CYP20A1: variants seen among roughly 807,000 people sequenced by gnomAD.
CYP20A1 encodes cytochrome P450 family 20 subfamily A member 1, also known as cytochrome P450 20A1.
CYP20A1 carries 61 observed loss-of-function variants against 61.4 expected under a neutral mutation model. The observed-to-expected ratio is 0.99, with a 90% CI of 0.81 to 1.23. The LOEUF (loss-of-function observed/expected upper bound fraction) is 1.23. CYP20A1 is among the 50% of genes most tolerant of loss of function. The pLI is 0.00. For synonymous variants in CYP20A1, 193 were observed against 188.2 expected (o/e 1.03, Z -0.21); for missense variants, 530 against 542.4 (o/e 0.98, Z 0.23).
chr2:203,256,163 CTCA>C (rs10553467), intron 4 of CYP20A1, among the ~76,000 whole-genome samples: 61,361 of 109,434 alleles, frequency 0.56, 12,864 homozygotes, highest in East Asian at 0.69. Flanking sequence ...AGACGTGTGT[CTCA>C]TTATGTTTCC....
intron 4 of CYP20A1, among the ~76,000 whole-genome samples, chr2:203,252,818 G>C (rs2066742768): frequency 6.6e-6 from 1 of 152,106 alleles, no homozygotes. Flanking sequence ...CACGCTAAGA[G>C]ATCTGTGACT....
intron 5 of CYP20A1, 109 bp downstream of exon 5, chr2:203,266,790 G>A: frequency 2.3e-6 from 2 of 870,624 alleles, no homozygotes; most frequent in Non-Finnish European, 3.7e-6. Context: ...AGACCAGCCT[G>A]CCCCACATGG....
rs567500478 is a variant in CYP20A1, at chr2:203,299,874, CA to C, written c.*2976del. On this transcript the variant is annotated 3_prime_UTR_variant, in exon 13 of 13. Transcript: ENST00000356079. ...GGGCAACAAGAGTGAAACTCCGTCT[CA>C]AAAAAAAAAGAAAAATTCTAAAACT... 2.7e-5 allele frequency among the ~76,000 whole-genome samples: 4 copies of C among 145,540 alleles called. No homozygotes were observed. The highest frequency in any genetic ancestry group is 2.5e-5 in the African/African-American group (1 of 39,566).
At chr2:203,248,182 G>A (rs534463085) in intron 3 of CYP20A1, among the ~76,000 whole-genome samples, 13 of 152,040 alleles carry the variant, frequency 8.6e-5, no homozygotes, top group South Asian at 8.3e-4. Flanking sequence ...CCAAGGTTGC[G>A]CCACTCTACT....
At position 203,301,747 on chromosome 2, in the gene CYP20A1, C is replaced by A. The variant is rs186996250; in HGVS notation, c.*4839C>A. Reference sequence around the variant, plus strand: ...TAAATAGATTCTACCTAACTTATAACCCCTATGTCAAAATTTGTTTATCTT... The same window carrying A: ...TAAATAGATTCTACCTAACTTATAAACCCTATGTCAAAATTTGTTTATCTT... On this transcript the variant is annotated 3_prime_UTR_variant, in exon 13 of 13. Coordinates refer to ENST00000356079, the MANE Select transcript of CYP20A1 (RefSeq NM_177538.3). 6.6e-6 allele frequency among the ~76,000 whole-genome samples: 1 copy of A among 152,086 alleles called. No individual in the cohort carries two copies. Among genetic ancestry groups the A allele is most frequent in the South Asian group, 2.1e-4 (1 of 4,820 alleles).
intron 4 of CYP20A1, among the ~76,000 whole-genome samples, chr2:203,260,868 A>T (rs530367574): frequency 6.6e-6 from 1 of 152,216 alleles, no homozygotes; most frequent in South Asian, 2.1e-4. Flanking sequence ...TTCCAACTTT[A>T]AGATTTTTAG....
At chr2:203,258,003 G>GTGCAGTGGCACAATTATA in intron 4 of CYP20A1, among the ~76,000 whole-genome samples, 97 of 151,378 alleles carry the variant, frequency 6.4e-4, no homozygotes, top group Middle Eastern at 6.9e-3. Flanking sequence ...CTGGGCTGAA[G>GTGCAGTGGCACAATTATA]GGATCCTCCT....
chr2:203,286,030 G>A (rs562417727), intron 9 of CYP20A1, among the ~76,000 whole-genome samples: 8 of 152,122 alleles, frequency 5.3e-5, no homozygotes, highest in African/African-American at 1.4e-4. Context: ...AGGCTTGACC[G>A]GGCGTGGTGG....
rs1287825097 is a variant in CYP20A1, at chr2:203,299,711, C to A, written c.*2803C>A. 3.9e-5 allele frequency among the ~76,000 whole-genome samples: 6 copies of A among 151,992 alleles called. No homozygotes were observed. The highest frequency in any genetic ancestry group is 7.4e-5 in the Non-Finnish European group (5 of 68,002). On this transcript the variant is annotated 3_prime_UTR_variant, in exon 13 of 13. Transcript: ENST00000356079. Reference sequence around the variant, plus strand: ...CCAACATGGAGAAACCCCGTCTCTACTAAAAATACAAAATTAGCCAGGCTT... The same window carrying A: ...CCAACATGGAGAAACCCCGTCTCTAATAAAAATACAAAATTAGCCAGGCTT...
At chr2:203,265,723 C>G (rs1202332316) in intron 4 of CYP20A1, among the ~76,000 whole-genome samples, 1 of 152,160 alleles carries the variant, frequency 6.6e-6, no homozygotes, top group African/African-American at 2.4e-5. Flanking sequence ...CAGAGTCTCG[C>G]TCTTTCACCC....
At chr2:203,258,841 C>G (rs917551364) in intron 4 of CYP20A1, among the ~76,000 whole-genome samples, 2 of 152,142 alleles carry the variant, frequency 1.3e-5, no homozygotes, top group African/African-American at 4.8e-5. Context: ...GTTATGTTGC[C>G]TCTATTTAAG....
chr2:203,305,217 T>C lies in CYP20A1; in HGVS notation c.*8309T>C, dbSNP rs1481558098. On this transcript the variant is annotated 3_prime_UTR_variant, in exon 13 of 13. Transcript: ENST00000356079. ...GTCTTTTTTTTTTTTTTTTTTTTTT[T>C]TTGAGACCGAGTCTCCCTCTGTCAC... Among the ~76,000 whole-genome samples, 1 of 146,158 alleles carries C rather than the reference T, an allele frequency of 6.8e-6. No individual in the cohort carries two copies. The highest frequency in any genetic ancestry group is 1.5e-5 in the Non-Finnish European group (1 of 66,684).
At chr2:203,270,811 C>T (rs2067532279) in intron 5 of CYP20A1, among the ~76,000 whole-genome samples, 1 of 146,350 alleles carries the variant, frequency 6.8e-6, no homozygotes, top group African/African-American at 2.5e-5. Context: ...TCAAGCTATC[C>T]TTCCACCTCA....
rs575757082 is a variant in CYP20A1 at position 203,297,934 on chromosome 2, G to C, written c.*1026G>C. ...TGGGAGGCGGAGCTTGCAGTGAGCC[G>C]AGATTGCACCCCTGCACTCCAGCCT... On this transcript the variant is annotated 3_prime_UTR_variant, in exon 13 of 13. Coordinates refer to ENST00000356079, the MANE Select transcript of CYP20A1 (RefSeq NM_177538.3). 6.6e-6 allele frequency: 1 copy of C among 152,168 alleles called. No homozygotes were observed. Among genetic ancestry groups the C allele is most frequent in the Non-Finnish European group, 1.5e-5 (1 of 68,160 alleles). The allele number at this position is 152,168 out of a possible 1,614,324, so 9.4% of individuals were successfully genotyped here. A position where few individuals can be genotyped will look rare whatever the true frequency, so the allele number is the denominator to read the frequency against.
At chr2:203,271,310 G>A (rs952429985) in intron 5 of CYP20A1, among the ~76,000 whole-genome samples, 25 of 150,580 alleles carry the variant, frequency 1.7e-4, no homozygotes, top group Admixed American at 2.7e-4. Flanking sequence ...GGATGGTCTT[G>A]AACTCCTGAT....
At chr2:203,272,440 G>C (rs1276577079) in intron 5 of CYP20A1, among the ~76,000 whole-genome samples, 1 of 151,258 alleles carries the variant, frequency 6.6e-6, no homozygotes, top group African/African-American at 2.4e-5. Flanking sequence ...TACTTGGGAG[G>C]CTGAGGTGGG....
At chr2:203,265,757 C>G (rs1288288535) in intron 4 of CYP20A1, among the ~76,000 whole-genome samples, 1 of 152,136 alleles carries the variant, frequency 6.6e-6, no homozygotes, top group Non-Finnish European at 1.5e-5. Flanking sequence ...GTGGCATGAT[C>G]TTGGCTCATT....
intron 10 of CYP20A1, among the ~76,000 whole-genome samples, 180 bp downstream of exon 10, chr2:203,290,056 T>C (rs1041041955): frequency 9.2e-5 from 14 of 152,116 alleles, no homozygotes; most frequent in African/African-American, 3.4e-4. Context: ...TTCTCCTGTC[T>C]CAGCCTCCCG....
intron 9 of CYP20A1, among the ~76,000 whole-genome samples, chr2:203,286,426 C>CGTAGCAGTATTATTCAAA (rs2068273058): frequency 9.7e-5 from 1 of 10,332 alleles, no homozygotes; most frequent in Non-Finnish European, 5.9e-4. Context: ...TGCATATATT[C>CGTAGCAGTATTATTCAAA]ATAGCAAATT....
Sources: allele counts gnomAD v4.1 joint callset (sites outside exome capture counted in the v4.1 genomes callset), GRCh38; gene constraint gnomAD v4.1.1; transcripts MANE v1.5; gene names NCBI Gene and HGNC (gene_info 2026-07-23, HGNC 2026-07-21).